The following RABGAP1 variants were observed in gnomAD, a reference collection of about 807,000 sequenced individuals.
The protein encoded by RABGAP1 is rab GTPase-activating protein 1.
In RABGAP1, 23 loss-of-function variants were observed where a neutral mutation model predicts 137.6. That is an observed-to-expected ratio of 0.17 (90% CI 0.12 to 0.24). The LOEUF is 0.24. RABGAP1 is among the 10% of genes least tolerant of loss of function. The pLI, the probability that RABGAP1 is intolerant of heterozygous loss-of-function variation, is 1.00. For missense variants in RABGAP1, 906 were observed against 1,275.8 expected, an observed-to-expected ratio of 0.71 and a Z score of 4.42; for synonymous variants, 451 against 450.7, an observed-to-expected ratio of 1.00 and a Z score of -0.01.
rs1251959153 is a variant in RABGAP1 at position 122,989,487 on chromosome 9, A to G, written c.765+16A>G. 6.2e-7 allele frequency: 1 copy of G among 1,612,506 alleles called. No individual in the cohort carries two copies. Among genetic ancestry groups the G allele is most frequent in the Non-Finnish European group, 8.5e-7 (1 of 1,179,294 alleles). Reference sequence around the variant, plus strand: ...ACAAGAAGCTGTAAGTCCTCAAGAGAAAACTCTCTGCAAATGAAACTTCAC... The same window carrying G: ...ACAAGAAGCTGTAAGTCCTCAAGAGGAAACTCTCTGCAAATGAAACTTCAC... On this transcript the variant is annotated intron_variant, in intron 5 of 25. Coordinates refer to ENST00000373647, the MANE Select transcript of RABGAP1 (RefSeq NM_012197.4).
chr9:123,020,480 CT>C (rs759428558), intron 13 of RABGAP1, 21 bp downstream of exon 13: 31 of 1,516,068 alleles, frequency 2.0e-5, no homozygotes, highest in Non-Finnish European at 2.7e-5. Flanking sequence ...GATAATTCAG[CT>C]TCAGCATTAA....
chr9:123,037,384 T>C (rs1330770727), intron 13 of RABGAP1, among the ~76,000 whole-genome samples: 1 of 152,216 alleles, frequency 6.6e-6, no homozygotes, highest in African/African-American at 2.4e-5. Context: ...TTGCTTGCTC[T>C]TTATGTTTAG....
intron 10 of RABGAP1, among the ~76,000 whole-genome samples, chr9:123,008,282 G>C (rs942872526): frequency 1.3e-5 from 2 of 151,838 alleles, no homozygotes; most frequent in African/African-American, 2.4e-5. Flanking sequence ...ATTGCTGGCC[G>C]GGCACGGTGG....
chr9:123,047,106 A>T (rs2033239143), intron 13 of RABGAP1, among the ~76,000 whole-genome samples: 1 of 152,214 alleles, frequency 6.6e-6, no homozygotes, highest in Non-Finnish European at 1.5e-5. Flanking sequence ...GAAAAAAAGG[A>T]AACAACTGTT....
At chr9:122,958,762 G>A (rs766465567) in intron 2 of RABGAP1, among the ~76,000 whole-genome samples, 14 of 151,962 alleles carry the variant, frequency 9.2e-5, no homozygotes, top group Admixed American at 3.3e-4. Flanking sequence ...TAATCCCAAC[G>A]CTTTGGGAGG....
At chr9:123,044,456 G>A (rs138386836) in intron 13 of RABGAP1, among the ~76,000 whole-genome samples, 86 of 152,140 alleles carry the variant, frequency 5.7e-4, no homozygotes, top group Non-Finnish European at 1.0e-3. Flanking sequence ...TGGAGTTTTG[G>A]GTCTTTAAGA....
intron 2 of RABGAP1, among the ~76,000 whole-genome samples, chr9:122,981,747 T>G (rs1360302663): frequency 1.3e-5 from 2 of 152,164 alleles, no homozygotes; most frequent in African/African-American, 4.8e-5. Flanking sequence ...AAAAAAGAAC[T>G]TAATTGATTA....
chr9:122,946,105 A>G (rs1564348935), intron 1 of RABGAP1: 3 of 152,148 alleles, frequency 2.0e-5, no homozygotes, highest in South Asian at 2.1e-4. Context: ...TTGGGAGTAT[A>G]TTTTAACTAT....
At chr9:122,945,846 T>G (rs1363298401) in intron 1 of RABGAP1, 3 of 152,206 alleles carry the variant, frequency 2.0e-5, no homozygotes, top group African/African-American at 7.2e-5. Context: ...TTTTAAAACT[T>G]TCTCCCTTTT....
At chr9:123,029,931 G>T (rs1327072901) in intron 13 of RABGAP1, among the ~76,000 whole-genome samples, 1 of 152,180 alleles carries the variant, frequency 6.6e-6, no homozygotes, top group African/African-American at 2.4e-5. Context: ...CTCTGAATAG[G>T]TTGGGAGAAA....
intron 13 of RABGAP1, among the ~76,000 whole-genome samples, chr9:123,059,727 C>T (rs1243882863): frequency 6.6e-6 from 1 of 152,142 alleles, no homozygotes; most frequent in African/African-American, 2.4e-5. Flanking sequence ...CATATGAGAA[C>T]ACAGCAAGCA....
chr9:123,083,754 G>A (rs552898904), intron 19 of RABGAP1, among the ~76,000 whole-genome samples: 2 of 152,318 alleles, frequency 1.3e-5, no homozygotes, highest in African/African-American at 4.8e-5. Flanking sequence ...CGCCTCTGCT[G>A]TGTGACCCCA....
At chr9:122,968,058 C>G (rs953111003) in intron 2 of RABGAP1, among the ~76,000 whole-genome samples, 3 of 151,828 alleles carry the variant, frequency 2.0e-5, no homozygotes, top group African/African-American at 7.3e-5. Flanking sequence ...TTTGTGGGTA[C>G]ATAGTAGGTG....
intron 10 of RABGAP1, among the ~76,000 whole-genome samples, chr9:123,001,874 C>T (rs1837338958): frequency 6.6e-6 from 1 of 152,142 alleles, no homozygotes; most frequent in Admixed American, 6.5e-5. Flanking sequence ...CTCTCTGGGA[C>T]ACCAAATTAA....
At chr9:122,976,457 G>T (rs1469685128) in intron 2 of RABGAP1, among the ~76,000 whole-genome samples, 2 of 152,178 alleles carry the variant, frequency 1.3e-5, no homozygotes, top group Non-Finnish European at 2.9e-5. Flanking sequence ...AGCCCTTAAT[G>T]ACACTTGCTC....
In RABGAP1 at chr9:123,103,941, A is replaced by T. The variant is rs2035420164; in HGVS notation, c.*728A>T. On this transcript the variant is annotated 3_prime_UTR_variant, in exon 26 of 26. Transcript: ENST00000373647. ...GTGAGACTGGATTATAACATGGACAAATCTTATTTTGCTTAATGTGTTTGT... is the reference window on the plus strand; with the variant it reads ...GTGAGACTGGATTATAACATGGACATATCTTATTTTGCTTAATGTGTTTGT... 1 of 146,442 alleles carries T rather than the reference A, an allele frequency of 6.8e-6. No homozygotes were observed. The highest frequency in any genetic ancestry group is 2.0e-4 in the East Asian group (1 of 4,956). 9.1% of individuals were successfully genotyped at this position (146,442 alleles called of 1,614,324 possible). A position where few individuals can be genotyped will look rare whatever the true frequency, so the allele number is the denominator to read the frequency against.
chr9:123,004,582 C>T (rs968708124), intron 10 of RABGAP1, among the ~76,000 whole-genome samples: 1 of 152,104 alleles, frequency 6.6e-6, no homozygotes, highest in Non-Finnish European at 1.5e-5. Context: ...TATGCCCAGC[C>T]AATAACTAAT....
chr9:123,101,506 C>T (rs985966521), intron 24 of RABGAP1, 60 bp from the exon 25 acceptor site: 3 of 1,495,642 alleles, frequency 2.0e-6, no homozygotes, highest in African/African-American at 2.8e-5. Context: ...GAGATGCTCA[C>T]ACCATCCTAA....
chr9:122,984,831 A>G, intron 3 of RABGAP1, 112 bp downstream of exon 3: 1 of 922,178 alleles, frequency 1.1e-6, no homozygotes, highest in Non-Finnish European at 1.6e-6. Context: ...CTACAAAAAC[A>G]GGCAAAAACA....
Sources: gnomAD v4.1 joint callset for allele counts (sites outside exome capture counted in the v4.1 genomes callset) on GRCh38, gnomAD v4.1.1 for gene constraint, MANE v1.5 for transcripts, NCBI Gene and HGNC (gene_info 2026-07-23, HGNC 2026-07-21) for gene names.